The following DPP10 variants were observed in gnomAD, a reference collection of about 807,000 sequenced individuals.
DPP10 encodes the protein dipeptidyl peptidase like 10.
DPP10 carries 33 observed loss-of-function variants against 120.9 expected under a neutral mutation model. That is an observed-to-expected ratio of 0.27 (90% CI 0.21 to 0.37). The LOEUF (loss-of-function observed/expected upper bound fraction) is 0.37. Among genes scored for constraint, DPP10 ranks in the 10% least tolerant of loss-of-function variants. The pLI, the probability that DPP10 is intolerant of heterozygous loss-of-function variation, is 1.00. For synonymous variants in DPP10, 337 were observed against 326.1 expected (o/e 1.03, Z -0.36); for missense variants, 816 against 942.8 (o/e 0.87, Z 1.76).
intron 1 of DPP10, among the ~76,000 whole-genome samples, chr2:115,199,158 G>A (rs560440381): frequency 1.1e-3 from 172 of 152,128 alleles, no homozygotes; most frequent in African/African-American, 3.9e-3. Flanking sequence ...AATAAAACCT[G>A]TAATTAAATT....
intron 2 of DPP10, among the ~76,000 whole-genome samples, chr2:115,337,661 TAAA>T (rs11458121): frequency 0.039 from 2,778 of 71,708 alleles, 22 homozygotes; most frequent in Middle Eastern, 0.092. Flanking sequence ...AGGCTGCTCA[TAAA>T]AAAAAAAAAA....
chr2:115,458,111 G>A (rs547880956), intron 3 of DPP10, among the ~76,000 whole-genome samples: 18 of 152,196 alleles, frequency 1.2e-4, no homozygotes, highest in Non-Finnish European at 1.8e-4. Flanking sequence ...ATTTTCTAGA[G>A]ACAAAGAGCA....
chr2:114,773,825 G>C (rs1169553869), intron 1 of DPP10, among the ~76,000 whole-genome samples: 1 of 151,970 alleles, frequency 6.6e-6, no homozygotes, highest in Non-Finnish European at 1.5e-5. Flanking sequence ...GATTCATATA[G>C]ATACAGTCTC....
chr2:115,092,108 A>G (rs549284749), intron 1 of DPP10, among the ~76,000 whole-genome samples: 38 of 152,282 alleles, frequency 2.5e-4, no homozygotes, highest in African/African-American at 7.7e-4. Context: ...GAATTTTTAA[A>G]ATAAAGAAAC....
intron 3 of DPP10, chr2:115,468,572 G>T: frequency 2.5e-6 from 1 of 404,800 alleles, no homozygotes; most frequent in Non-Finnish European, 4.8e-6. Context: ...GGCTAATGTG[G>T]TTGATGGTGG....
At chr2:114,903,980 A>G (rs1254153224) in intron 1 of DPP10, among the ~76,000 whole-genome samples, 1 of 152,228 alleles carries the variant, frequency 6.6e-6, no homozygotes, top group African/African-American at 2.4e-5. Flanking sequence ...CCAGTATATA[A>G]TATTTTGTTA....
At chr2:115,334,228 C>CTTTTTTTTTTTTTTTTTTTTTTTTTT (rs1393213758) in intron 2 of DPP10, among the ~76,000 whole-genome samples, 41 of 22,288 alleles carry the variant, frequency 1.8e-3, no homozygotes, top group Non-Finnish European at 4.3e-3. Context: ...AGAGCAGACT[C>CTTTTTTTTTTTTTTTTTTTTTTTTTT]TGTTTTTTTT....
chr2:115,259,301 G>A (rs920059063), intron 1 of DPP10, among the ~76,000 whole-genome samples: 3 of 152,052 alleles, frequency 2.0e-5, no homozygotes, highest in African/African-American at 7.2e-5. Context: ...GACCAACATG[G>A]AGAAACCCCA....
chr2:115,752,114 G>GT (rs1678813006), intron 10 of DPP10, among the ~76,000 whole-genome samples: 1 of 152,126 alleles, frequency 6.6e-6, no homozygotes, highest in African/African-American at 2.4e-5. Flanking sequence ...AGTTTAATTA[G>GT]TTTTAATACA....
At chr2:115,557,457 C>T (rs546629483) in intron 5 of DPP10, among the ~76,000 whole-genome samples, 90 of 152,280 alleles carry the variant, frequency 5.9e-4, no homozygotes, top group African/African-American at 1.9e-3. Flanking sequence ...TCATCAAGAA[C>T]CCTACCCTCC....
chr2:115,325,069 G>C (rs2062280072), intron 2 of DPP10, among the ~76,000 whole-genome samples: 1 of 151,914 alleles, frequency 6.6e-6, no homozygotes, highest in African/African-American at 2.4e-5. Flanking sequence ...CACCGTAACA[G>C]ATATAATAAT....
chr2:115,346,902 C>CA (rs1422918333), intron 3 of DPP10, among the ~76,000 whole-genome samples: 2 of 152,102 alleles, frequency 1.3e-5, no homozygotes, highest in Non-Finnish European at 2.9e-5. Context: ...TGACCTCTTT[C>CA]ATTGTTTGAC....
At chr2:114,661,387 A>G (rs1253082597) in intron 1 of DPP10, among the ~76,000 whole-genome samples, 5 of 152,238 alleles carry the variant, frequency 3.3e-5, no homozygotes, top group African/African-American at 9.6e-5. Context: ...ATACATGACA[A>G]TTACTCCACA....
At chr2:115,744,721 T>C (rs1020122014) in intron 9 of DPP10, among the ~76,000 whole-genome samples, 1 of 150,510 alleles carries the variant, frequency 6.6e-6, no homozygotes, top group Admixed American at 7.0e-5. Flanking sequence ...TGCTGGCTAC[T>C]GTTGGCATAT....
intron 1 of DPP10, among the ~76,000 whole-genome samples, chr2:114,718,400 GAAAA>G (rs71297184): frequency 3.7e-5 from 3 of 81,192 alleles, no homozygotes; most frequent in East Asian, 4.2e-4. Flanking sequence ...GACTCTGTTT[GAAAA>G]AAAAAAAAAA....
intron 3 of DPP10, among the ~76,000 whole-genome samples, chr2:115,378,994 G>C (rs548428888): frequency 1.3e-5 from 2 of 152,188 alleles, no homozygotes; most frequent in Non-Finnish European, 2.9e-5. Flanking sequence ...GTTCATCAAG[G>C]ATATTGGTCT....
At chr2:114,806,805 T>C (rs930846925) in intron 1 of DPP10, among the ~76,000 whole-genome samples, 12 of 152,346 alleles carry the variant, frequency 7.9e-5, no homozygotes, top group African/African-American at 2.9e-4. Flanking sequence ...CAAAAACTTA[T>C]AATCTTCCTT....
chr2:115,339,169 C>T (rs1193203444), intron 2 of DPP10, among the ~76,000 whole-genome samples: 1 of 152,140 alleles, frequency 6.6e-6, no homozygotes, highest in Non-Finnish European at 1.5e-5. Context: ...ACAGATATTT[C>T]ACTGAAGACT....
chr2:115,267,775 G>A (rs1188218165), intron 1 of DPP10, among the ~76,000 whole-genome samples: 3 of 152,034 alleles, frequency 2.0e-5, no homozygotes, highest in Non-Finnish European at 4.4e-5. Flanking sequence ...CCTTCACGAT[G>A]GCTCCCAAAG....
Sources: gnomAD v4.1 joint callset for allele counts (sites outside exome capture counted in the v4.1 genomes callset) on GRCh38, gnomAD v4.1.1 for gene constraint, MANE v1.5 for transcripts, NCBI Gene and HGNC (gene_info 2026-07-23, HGNC 2026-07-21) for gene names.